Variants in PCDHAC2 observed in about 807,000 individuals in gnomAD.
PCDHAC2 encodes the protein protocadherin alpha-C2.
A neutral mutation model predicts 63.3 loss-of-function variants in PCDHAC2; 24 were observed. The ratio of observed to expected loss-of-function variants is 0.38; its 90% CI spans 0.27 to 0.53. PCDHAC2 has a LOEUF of 0.53. Among genes scored for constraint, PCDHAC2 ranks in the 20% least tolerant of loss-of-function variants. The probability of loss-of-function intolerance (pLI) is 0.81; values close to 1 mark genes in which losing one functional copy is unlikely to be tolerated. For missense variants in PCDHAC2, 1,181 were observed against 1,275.2 expected (o/e 0.93, Z 1.12); for synonymous variants, 569 against 529.4 (o/e 1.07, Z -1.03).
chr5:140,971,420 TGAA>T (rs782149033), intron 1 of PCDHAC2, among the ~76,000 whole-genome samples: 3 of 152,112 alleles, frequency 2.0e-5, no homozygotes, highest in Non-Finnish European at 4.4e-5. Flanking sequence ...GGAAATCCAG[TGAA>T]GAACCCCAAG....
intron 3 of PCDHAC2, among the ~76,000 whole-genome samples, chr5:141,002,136 G>C (rs2153972972): frequency 6.6e-6 from 1 of 152,374 alleles, no homozygotes; most frequent in East Asian, 1.9e-4. Flanking sequence ...GCCTTTGCCG[G>C]CTGCACTGAC....
intron 3 of PCDHAC2, among the ~76,000 whole-genome samples, chr5:140,987,422 G>A (rs1554249178): frequency 6.6e-6 from 1 of 152,152 alleles, no homozygotes; most frequent in Non-Finnish European, 1.5e-5. Flanking sequence ...CTTGTGAGAA[G>A]CAGGGGGCCT....
chr5:140,973,719 C>T (rs1184460895), intron 1 of PCDHAC2, among the ~76,000 whole-genome samples: 8 of 152,228 alleles, frequency 5.3e-5, no homozygotes, highest in African/African-American at 1.7e-4. Flanking sequence ...TGAGCCATCA[C>T]ATGGGCATCT....
intron 3 of PCDHAC2, among the ~76,000 whole-genome samples, chr5:140,997,899 G>T (rs2097789789): frequency 6.6e-6 from 1 of 152,126 alleles, no homozygotes; most frequent in Non-Finnish European, 1.5e-5. Context: ...TAAATTTCAA[G>T]AAGTAGAATT....
rs184537292 is a variant in PCDHAC2, at chr5:140,970,210, C to T, written c.2565+879C>T. Among the ~76,000 whole-genome samples, 8 of 152,308 alleles carry T rather than the reference C, an allele frequency of 5.3e-5. No homozygotes were observed. The East Asian group carries it at 1.5e-3, about 29-fold the overall frequency. On this transcript the variant is annotated intron_variant, in intron 1 of 3. Transcript: ENST00000289269. Reference sequence around the variant, plus strand: ...TGTAAGAGGATTTCCCTGAATTTAGCTTAAATGCAGCCTGTAATCTTCTGA... The same window carrying T: ...TGTAAGAGGATTTCCCTGAATTTAGTTTAAATGCAGCCTGTAATCTTCTGA...
intron 3 of PCDHAC2, among the ~76,000 whole-genome samples, chr5:140,993,452 T>C (rs1218728585): frequency 1.5e-5 from 2 of 135,256 alleles, no homozygotes; most frequent in Non-Finnish European, 3.1e-5. Flanking sequence ...CTGTTCTCCT[T>C]CTTTCTTTCT....
Position 140,968,130 on chromosome 5 carries a change from T to C in PCDHAC2, c.1364T>C (p.Leu455Pro). ...GIPQLTSLRT[L>P]KVEISDINDN... is the part of the protein sequence containing the mutation. The stretch of plus-strand genomic sequence containing the variant: ...CCGCAGCTCACATCCCTGCGTACAC[T>C]GAAGGTTGAGATCTCTGACATCAAT... Residue 455 changes from leucine (L) to proline (P), a missense_variant, in exon 1 of 4, where the codon CTG becomes CCG. Transcript: ENST00000289269. 6.2e-7 allele frequency: 1 copy of C among 1,614,114 alleles called. No homozygotes were observed. The highest frequency in any genetic ancestry group is 8.5e-7 in the Non-Finnish European group (1 of 1,180,032).
chr5:141,000,689 A>G (rs1469257297), intron 3 of PCDHAC2, among the ~76,000 whole-genome samples: 1 of 151,438 alleles, frequency 6.6e-6, no homozygotes, highest in African/African-American at 2.4e-5. Context: ...CTGCCTCCCA[A>G]AGTGCTGGGA....
rs1006692100 is a variant in PCDHAC2 at position 140,968,013 on chromosome 5, G to A, written c.1247G>A (p.Gly416Glu). ...ATLPFRLNGF[G>E]NSYTLVVSGP... Reference sequence around the variant, plus strand: ...CTGCCTTTCCGACTGAATGGCTTTGGAAACTCCTATACACTGGTGGTGAGC... The same window carrying A: ...CTGCCTTTCCGACTGAATGGCTTTGAAAACTCCTATACACTGGTGGTGAGC... The change falls in exon 1 of 4, where the codon GGA (glycine) becomes GAA (glutamate). Residue 416 changes from glycine to glutamate, a missense_variant. Gly to Glu is a moderately conservative substitution (Grantham distance 98, BLOSUM62 -2). Coordinates refer to ENST00000289269, the MANE Select transcript of PCDHAC2 (RefSeq NM_018899.6). 2.5e-6 allele frequency: 4 copies of A among 1,614,066 alleles called. No individual in the cohort carries two copies. The African/African-American group carries it at 4.0e-5, about 16-fold the overall frequency.
chr5:140,971,192 A>G (rs1450514781), intron 1 of PCDHAC2, among the ~76,000 whole-genome samples: 3 of 152,178 alleles, frequency 2.0e-5, no homozygotes, highest in Non-Finnish European at 4.4e-5. Context: ...GGAAGCTCAG[A>G]GGAAAGACAC....
rs371669028 is a variant in PCDHAC2, at chr5:140,967,792, A to C, written c.1026A>C (p.Pro342=). ...ATGTGCAGGCGACTGACCGGGGTCC[A>C]GTGCCCATGGCAGGTCACTGCAAGG... is the stretch of plus-strand genomic sequence containing the variant. ...QIYVQATDRG[P]VPMAGHCKVL... The change falls in exon 1 of 4, where the codon CCA becomes CCC. Residue 342 remains proline (P), a synonymous_variant. Coordinates refer to ENST00000289269, the MANE Select transcript of PCDHAC2 (RefSeq NM_018899.6). 3.1e-6 allele frequency: 5 copies of C among 1,614,212 alleles called. No homozygotes were observed. Among genetic ancestry groups the C allele is most frequent in the Non-Finnish European group, 4.2e-6 (5 of 1,180,036 alleles).
At chr5:140,985,579 C>T (rs2097158687) in intron 3 of PCDHAC2, among the ~76,000 whole-genome samples, 1 of 152,084 alleles carries the variant, frequency 6.6e-6, no homozygotes, top group African/African-American at 2.4e-5. Context: ...GTGCCTAAGC[C>T]TCCTTATACT....
intron 3 of PCDHAC2, among the ~76,000 whole-genome samples, chr5:141,006,560 C>G (rs1179730864): frequency 2.0e-5 from 3 of 152,084 alleles, no homozygotes; most frequent in Non-Finnish European, 4.4e-5. Flanking sequence ...AAAGATGACT[C>G]TGGCTACTGT....
intron 3 of PCDHAC2, among the ~76,000 whole-genome samples, chr5:141,000,386 T>A (rs1394092081): frequency 5.6e-4 from 37 of 66,542 alleles, no homozygotes; most frequent in African/African-American, 2.4e-3. Flanking sequence ...TCTCTCTCTC[T>A]CTCTCTCTCT....
chr5:140,993,134 A>G (rs2097542279), intron 3 of PCDHAC2, among the ~76,000 whole-genome samples: 1 of 152,238 alleles, frequency 6.6e-6, no homozygotes, highest in African/African-American at 2.4e-5. Flanking sequence ...CTTCTGTTGC[A>G]ACAAGTATAA....
Position 140,967,024 on chromosome 5 carries a change from T to G in PCDHAC2, c.258T>G (p.Ser86Arg). 1 of 1,608,238 alleles carries G rather than the reference T, an allele frequency of 6.2e-7. No individual in the cohort carries two copies. Among genetic ancestry groups the G allele is most frequent in the Non-Finnish European group, 8.5e-7 (1 of 1,177,796 alleles). Residue 86 changes from serine (S) to arginine (R), a missense_variant, in exon 1 of 4, where the codon AGT becomes AGG. By Grantham distance (110) the Ser-to-Arg change is moderately radical. Transcript: ENST00000289269. ...GCATCAACCATCTGGGTGCGCCCAG[T>G]CCGCGCTACCTGGAGCTGGACCTGA... is the stretch of plus-strand genomic sequence containing the variant. ...CLRINHLGAP[S>R]PRYLELDLTS... is the part of the protein sequence containing the mutation.
At chr5:141,007,891 T>G (rs2098350311) in intron 3 of PCDHAC2, among the ~76,000 whole-genome samples, 1 of 152,232 alleles carries the variant, frequency 6.6e-6, no homozygotes, top group Admixed American at 6.5e-5. Flanking sequence ...CTTTAAAAAT[T>G]TATTGTTCTT....
At chr5:140,995,371 C>G (rs143381591) in intron 3 of PCDHAC2, among the ~76,000 whole-genome samples, 3 of 152,120 alleles carry the variant, frequency 2.0e-5, no homozygotes, top group Admixed American at 1.3e-4. Flanking sequence ...GGATGATTCA[C>G]GTACTGGGCA....
At chr5:140,979,690 A>G (rs2096860224) in intron 2 of PCDHAC2, among the ~76,000 whole-genome samples, 1 of 152,252 alleles carries the variant, frequency 6.6e-6, no homozygotes, top group Non-Finnish European at 1.5e-5. Context: ...ATTAACTACC[A>G]TTATTTCTGG....
Sources: gnomAD v4.1 joint callset for allele counts (sites outside exome capture counted in the v4.1 genomes callset) on GRCh38, gnomAD v4.1.1 for gene constraint, MANE v1.5 for transcripts, NCBI Gene and HGNC (gene_info 2026-07-23, HGNC 2026-07-21) for gene names.